DKK2: variants seen among roughly 807,000 people sequenced by gnomAD.
DKK2 encodes dickkopf-related protein 2.
DKK2 carries 11 observed loss-of-function variants against 28.1 expected under a neutral mutation model. The ratio of observed to expected loss-of-function variants is 0.39; its 90% CI spans 0.25 to 0.65. The LOEUF is 0.65. DKK2 is among the 30% of genes least tolerant of loss of function. The pLI is 0.47. For missense variants in DKK2, 326 were observed against 335.5 expected, an observed-to-expected ratio of 0.97 and a Z score of 0.22; for synonymous variants, 135 against 126.5, an observed-to-expected ratio of 1.07 and a Z score of -0.45.
intron 1 of DKK2, among the ~76,000 whole-genome samples, chr4:107,021,819 CA>C (rs1007561552): frequency 1.3e-5 from 2 of 152,072 alleles, no homozygotes; most frequent in African/African-American, 4.8e-5. Flanking sequence ...CAATTCTTTA[CA>C]ATGTCAGCAT....
chr4:106,963,390 C>A lies in DKK2; in HGVS notation c.223-37441G>T, dbSNP rs1395734404. Among the ~76,000 whole-genome samples the A allele has an allele frequency of 6.6e-5, 10 of 151,770 alleles. No individual in the cohort carries two copies. In the South Asian group the frequency reaches 1.2e-3, roughly 19 times the overall value. On this transcript the variant is annotated intron_variant, in intron 1 of 3. Transcript: ENST00000285311. Reference sequence around the variant, plus strand: ...AGGCAAAAAATCTTAATACACATTTCTCAAAAGAAGACAGACAAATGGCCA... The same window carrying A: ...AGGCAAAAAATCTTAATACACATTTATCAAAAGAAGACAGACAAATGGCCA...
At chr4:106,997,607 T>A (rs1723294699) in intron 1 of DKK2, among the ~76,000 whole-genome samples, 2 of 152,074 alleles carry the variant, frequency 1.3e-5, no homozygotes, top group Non-Finnish European at 2.9e-5. Context: ...TTCCTTGCAA[T>A]TTCATCCAAA....
intron 1 of DKK2, among the ~76,000 whole-genome samples, chr4:106,973,684 T>G (rs1161381587): frequency 6.6e-6 from 1 of 152,218 alleles, no homozygotes; most frequent in Non-Finnish European, 1.5e-5. Context: ...TACTATAGGT[T>G]GCCTGTTCAC....
At chr4:106,951,783 G>T (rs1724864508) in intron 1 of DKK2, among the ~76,000 whole-genome samples, 1 of 152,076 alleles carries the variant, frequency 6.6e-6, no homozygotes, top group Admixed American at 6.6e-5. Flanking sequence ...GTTCTAACTG[G>T]TGGGAATCAG....
chr4:107,021,851 C>T (rs1031825565), intron 1 of DKK2, among the ~76,000 whole-genome samples: 2 of 152,064 alleles, frequency 1.3e-5, no homozygotes, highest in South Asian at 2.1e-4. Context: ...ACAATCAGAT[C>T]TTTTCCTGAC....
intron 1 of DKK2, among the ~76,000 whole-genome samples, chr4:107,028,487 C>A (rs1210080538): frequency 2.0e-5 from 3 of 152,032 alleles, no homozygotes; most frequent in Admixed American, 2.0e-4. Context: ...GTGATCCTCA[C>A]CATTGCCCAG....
intron 1 of DKK2, among the ~76,000 whole-genome samples, chr4:106,952,087 G>C (rs1159986187): frequency 6.6e-6 from 1 of 152,126 alleles, no homozygotes; most frequent in African/African-American, 2.4e-5. Flanking sequence ...TCTGCATTTT[G>C]ACATGTGGCC....
At chr4:106,965,235 T>G (rs900652293) in intron 1 of DKK2, among the ~76,000 whole-genome samples, 1 of 152,174 alleles carries the variant, frequency 6.6e-6, no homozygotes, top group African/African-American at 2.4e-5. Flanking sequence ...GATACAAAAT[T>G]GAAATATGTC....
intron 1 of DKK2, among the ~76,000 whole-genome samples, chr4:107,024,756 G>A (rs1191771910): frequency 6.6e-6 from 1 of 152,088 alleles, no homozygotes; most frequent in African/African-American, 2.4e-5. Flanking sequence ...AAAAACTAAG[G>A]CTTAACGGTG....
At chr4:107,000,380 TG>T (rs1723341986) in intron 1 of DKK2, among the ~76,000 whole-genome samples, 1 of 152,182 alleles carries the variant, frequency 6.6e-6, no homozygotes, top group Non-Finnish European at 1.5e-5. Context: ...AAAATGATTA[TG>T]GGTTTTTTGA....
chr4:106,985,228 A>AT (rs1560586310), intron 1 of DKK2, among the ~76,000 whole-genome samples: 8 of 151,234 alleles, frequency 5.3e-5, no homozygotes, highest in African/African-American at 1.9e-4. Context: ...AAAAAAAAAA[A>AT]GATTATAGGC....
chr4:106,990,875 G>T (rs888397440), intron 1 of DKK2, among the ~76,000 whole-genome samples: 1 of 151,954 alleles, frequency 6.6e-6, no homozygotes, highest in South Asian at 2.1e-4. Flanking sequence ...AAAATTAAAA[G>T]ACCTGTCTAT....
At chr4:106,959,736 TCATTCATTCATG>T (rs1201092938) in intron 1 of DKK2, among the ~76,000 whole-genome samples, 3 of 152,148 alleles carry the variant, frequency 2.0e-5, no homozygotes, top group Non-Finnish European at 4.4e-5. Context: ...GTTCATTTAC[TCATTCATTCATG>T]CATTCATTCA....
chr4:106,981,983 T>C (rs1723032716), intron 1 of DKK2, among the ~76,000 whole-genome samples: 1 of 152,120 alleles, frequency 6.6e-6, no homozygotes, highest in Admixed American at 6.6e-5. Flanking sequence ...GCTCAATAAA[T>C]ATTGGGTGAA....
At chr4:106,965,602 T>G (rs1176789604) in intron 1 of DKK2, among the ~76,000 whole-genome samples, 1 of 152,132 alleles carries the variant, frequency 6.6e-6, no homozygotes, top group Non-Finnish European at 1.5e-5. Context: ...TAAGATTTTT[T>G]TTTTAATTAT....
chr4:106,984,911 CAA>C, intron 1 of DKK2, among the ~76,000 whole-genome samples: 1 of 152,170 alleles, frequency 6.6e-6, no homozygotes, highest in Non-Finnish European at 1.5e-5. Flanking sequence ...AAGCTAAACA[CAA>C]AAGATTATGG....
chr4:106,985,134 G>A (rs747541331), intron 1 of DKK2, among the ~76,000 whole-genome samples: 64 of 151,388 alleles, frequency 4.2e-4, no homozygotes, highest in Middle Eastern at 6.8e-3. Context: ...GTGTAAACCC[G>A]GGAGGCAGAG....
intron 1 of DKK2, among the ~76,000 whole-genome samples, chr4:106,984,245 A>G (rs1270111704): frequency 6.6e-6 from 1 of 152,198 alleles, no homozygotes; most frequent in Non-Finnish European, 1.5e-5. Flanking sequence ...CAGTTTTGTT[A>G]CACTAAGTAC....
At chr4:106,930,405 A>G (rs1724484919) in intron 1 of DKK2, among the ~76,000 whole-genome samples, 1 of 152,218 alleles carries the variant, frequency 6.6e-6, no homozygotes, top group Non-Finnish European at 1.5e-5. Context: ...ACATGAAAAT[A>G]CAACAATGAA....
Sources: gnomAD v4.1 joint callset for allele counts (sites outside exome capture counted in the v4.1 genomes callset) on GRCh38, gnomAD v4.1.1 for gene constraint, MANE v1.5 for transcripts, NCBI Gene and HGNC (gene_info 2026-07-23, HGNC 2026-07-21) for gene names.